The following SORCS3 variants were observed in gnomAD, a reference collection of about 807,000 sequenced individuals.
SORCS3 encodes the protein sortilin related VPS10 domain containing receptor 3, also known as VPS10 domain-containing receptor SorCS3.
SORCS3 carries 57 observed loss-of-function variants against 146.3 expected under a neutral mutation model. The ratio of observed to expected loss-of-function variants is 0.39; its 90% confidence interval spans 0.31 to 0.49. SORCS3 has a LOEUF of 0.49. Among genes scored for constraint, SORCS3 ranks in the 20% least tolerant of loss-of-function variants. SORCS3 has a pLI of 0.92. For missense variants in SORCS3, 1,341 were observed against 1,575.5 expected (o/e 0.85, Z 2.52); for synonymous variants, 653 against 618.5 (o/e 1.06, Z -0.83).
chr10:105,250,844 T>G (rs1287585162), intron 22 of SORCS3, among the ~76,000 whole-genome samples: 1 of 152,216 alleles, frequency 6.6e-6, no homozygotes, highest in Non-Finnish European at 1.5e-5. Flanking sequence ...GACTGCTGCT[T>G]CTTACTTCCC....
chr10:105,028,658 A>G (rs370255468), intron 4 of SORCS3, among the ~76,000 whole-genome samples: 8 of 152,172 alleles, frequency 5.3e-5, no homozygotes, highest in East Asian at 3.9e-4. Context: ...ATTTTTTTGT[A>G]CCATAAAATG....
intron 16 of SORCS3, among the ~76,000 whole-genome samples, chr10:105,207,294 T>TTATTATTATTATTAC (rs2056608262): frequency 1.3e-5 from 2 of 150,454 alleles, no homozygotes; most frequent in African/African-American, 4.9e-5. Context: ...ATTATTATTA[T>TTATTATTATTATTAC]TATTATTATT....
At chr10:104,782,142 G>A (rs731163) in intron 1 of SORCS3, among the ~76,000 whole-genome samples, 41,924 of 152,102 alleles carry the variant, frequency 0.28, 6,251 homozygotes, top group African/African-American at 0.38. Flanking sequence ...TTGTATTACC[G>A]GTTCTAAGGC....
intron 16 of SORCS3, among the ~76,000 whole-genome samples, chr10:105,210,837 A>G (rs2056629079): frequency 6.6e-6 from 1 of 152,124 alleles, no homozygotes; most frequent in South Asian, 2.1e-4. Context: ...CATCCTCCGC[A>G]TTTACTCCCA....
rs558412491 is a variant in SORCS3 at position 104,652,575 on chromosome 10, CCTT to C, written c.627+10627_627+10629del. Among the ~76,000 whole-genome samples, 9 of 152,284 alleles carry C rather than the reference CCTT, an allele frequency of 5.9e-5. No individual in the cohort carries two copies. The South Asian group carries it at 1.9e-3, about 32-fold the overall frequency. On this transcript the variant is annotated intron_variant, in intron 1 of 26. Coordinates refer to ENST00000369701, the MANE Select transcript of SORCS3 (RefSeq NM_014978.3). ...GATTTGAGACCAGATGCAGCTCTTG[CCTT>C]CTTCTGCCTTCTCTCAGTACAAATG...
intron 16 of SORCS3, among the ~76,000 whole-genome samples, chr10:105,208,036 A>C (rs1049310285): frequency 6.6e-6 from 1 of 152,136 alleles, no homozygotes; most frequent in African/African-American, 2.4e-5. Flanking sequence ...CACAGATAAA[A>C]AATGCTTAGA....
chr10:105,016,157 T>TATATA (rs369013613), intron 4 of SORCS3, among the ~76,000 whole-genome samples: 18 of 57,930 alleles, frequency 3.1e-4, no homozygotes, highest in East Asian at 1.4e-3. Flanking sequence ...ATATATATAT[T>TATATA]TTTTTTTTTT....
At chr10:105,091,129 CCCTCCTT>C (rs2133741755) in intron 6 of SORCS3, among the ~76,000 whole-genome samples, 1 of 141,280 alleles carries the variant, frequency 7.1e-6, no homozygotes, top group South Asian at 2.6e-4. Context: ...CTCCCTCCTT[CCCTCCTT>C]CCTTTCCTTG....
intron 1 of SORCS3, among the ~76,000 whole-genome samples, chr10:104,662,557 C>G (rs932727480): frequency 4.6e-5 from 7 of 152,222 alleles, no homozygotes; most frequent in African/African-American, 1.7e-4. Flanking sequence ...TTCTCCAATT[C>G]ATACCAGCCA....
intron 22 of SORCS3, among the ~76,000 whole-genome samples, chr10:105,251,356 C>T (rs1403615849): frequency 6.6e-6 from 1 of 152,174 alleles, no homozygotes; most frequent in African/African-American, 2.4e-5. Context: ...CACCTGATTC[C>T]TCCCTCAACA....
chr10:105,056,440 G>A (rs779501569), intron 5 of SORCS3, among the ~76,000 whole-genome samples: 4 of 152,160 alleles, frequency 2.6e-5, no homozygotes, highest in Non-Finnish European at 5.9e-5. Flanking sequence ...GAGAAATAAA[G>A]CAGGGATATA....
At chr10:105,154,081 A>AAAAAC (rs2056188423) in intron 9 of SORCS3, among the ~76,000 whole-genome samples, 2 of 150,936 alleles carry the variant, frequency 1.3e-5, no homozygotes, top group African/African-American at 4.9e-5. Flanking sequence ...AAAAAAAAAA[A>AAAAAC]AAAAAAAGAA....
chr10:105,178,253 G>T, intron 14 of SORCS3, 80 bp downstream of exon 14: 1 of 1,165,732 alleles, frequency 8.6e-7, no homozygotes. Context: ...ATTTTTCCCA[G>T]GGAACCCTAC....
chr10:104,937,972 G>A (rs932141530), intron 3 of SORCS3, among the ~76,000 whole-genome samples: 2 of 152,238 alleles, frequency 1.3e-5, no homozygotes, highest in Admixed American at 6.5e-5. Flanking sequence ...AGTAGTAGAC[G>A]CTTGACCTGG....
intron 1 of SORCS3, among the ~76,000 whole-genome samples, chr10:104,733,819 T>C (rs572209554): frequency 6.6e-6 from 1 of 152,294 alleles, no homozygotes; most frequent in African/African-American, 2.4e-5. Context: ...AGCCCTCTTG[T>C]TGAGCAAACC....
rs564671316 is a variant in SORCS3, at chr10:104,866,064, G to A, written c.695+23205G>A. On this transcript the variant is annotated intron_variant, in intron 2 of 26. Transcript: ENST00000369701. ...TGCACATAGAACAGAGCTGAAAAGT[G>A]AACCAAAGACGAAAAAGGTCTGAGA... 6.8e-4 allele frequency among the ~76,000 whole-genome samples: 103 copies of A among 152,314 alleles called. No homozygotes were observed. In the South Asian group the frequency reaches 8.7e-3, roughly 13 times the overall value.
At chr10:104,969,688 A>G (rs2054847788) in intron 3 of SORCS3, among the ~76,000 whole-genome samples, 1 of 152,184 alleles carries the variant, frequency 6.6e-6, no homozygotes, top group East Asian at 1.9e-4. Flanking sequence ...AAAGCTCCAT[A>G]AAACTGCCAC....
chr10:104,693,948 A>T (rs937272333), intron 1 of SORCS3, among the ~76,000 whole-genome samples: 13 of 152,058 alleles, frequency 8.5e-5, no homozygotes, highest in African/African-American at 2.7e-4. Flanking sequence ...TAGAAAATAG[A>T]TTTTTTTAAA....
intron 20 of SORCS3, among the ~76,000 whole-genome samples, chr10:105,227,716 G>T (rs954917842): frequency 1.3e-5 from 2 of 151,866 alleles, no homozygotes; most frequent in African/African-American, 4.8e-5. Flanking sequence ...TGTATATCTG[G>T]GTGCTGGGGT....
Sources: gnomAD v4.1 joint callset for allele counts (sites outside exome capture counted in the v4.1 genomes callset) on GRCh38, gnomAD v4.1.1 for gene constraint, MANE v1.5 for transcripts, NCBI Gene and HGNC (gene_info 2026-07-23, HGNC 2026-07-21) for gene names.